ATP6V1H: variants seen among roughly 807,000 people sequenced by gnomAD.
The protein encoded by ATP6V1H is ATPase H+ transporting V1 subunit H.
ATP6V1H carries 39 observed loss-of-function variants against 71.7 expected under a neutral mutation model. The observed-to-expected ratio is 0.54, with a 90% CI of 0.42 to 0.71. ATP6V1H has a LOEUF of 0.71. Among genes scored for constraint, ATP6V1H ranks in the 30% least tolerant of loss-of-function variants. The pLI, the probability that ATP6V1H is intolerant of heterozygous loss-of-function variation, is 0.00. For missense variants in ATP6V1H, 509 were observed against 594.9 expected, an observed-to-expected ratio of 0.86 and a Z score of 1.50; for synonymous variants, 192 against 199.3, an observed-to-expected ratio of 0.96 and a Z score of 0.31.
chr8:53,832,105 T>C (rs919326914), intron 3 of ATP6V1H: 1 of 152,166 alleles, frequency 6.6e-6, no homozygotes, highest in African/African-American at 2.4e-5. Flanking sequence ...AGAAATATCT[T>C]TACAGGCATA....
chr8:53,720,200 A>G (rs1470435828), intron 13 of ATP6V1H, among the ~76,000 whole-genome samples: 1 of 152,186 alleles, frequency 6.6e-6, no homozygotes, highest in African/African-American at 2.4e-5. Flanking sequence ...AAAATTTGTG[A>G]GGTGCAATAT....
chr8:53,796,293 G>A (rs1035214812), intron 8 of ATP6V1H, among the ~76,000 whole-genome samples: 2 of 152,010 alleles, frequency 1.3e-5, no homozygotes, highest in African/African-American at 2.4e-5. Flanking sequence ...TACTGAATTC[G>A]GGGGTCAGGA....
Position 53,829,457 on chromosome 8 carries a change from T to C in ATP6V1H, c.293A>G (p.Asp98Gly). Residue 98 changes from aspartate (D) to glycine (G), a missense_variant, in exon 4 of 14, where the codon GAT becomes GGT. Physicochemically the swap from Asp to Gly is moderately conservative, Grantham distance 94 (BLOSUM62 -1). Coordinates refer to ENST00000359530, the MANE Select transcript of ATP6V1H (RefSeq NM_015941.4). ...GAATATACCTACCTGCAGCATATCA[T>C]CCACCATAGTTAGTATATACTGAAC... is the stretch of plus-strand genomic sequence containing the variant. ...QTVQYILTMV[D>G]DMLQENHQRV... The C allele has an allele frequency of 1.2e-6, 2 of 1,604,386 alleles. No individual in the cohort carries two copies. The highest frequency in any genetic ancestry group is 1.7e-6 in the Non-Finnish European group (2 of 1,175,096).
intron 12 of ATP6V1H, among the ~76,000 whole-genome samples, chr8:53,750,369 G>C (rs927299258): frequency 1.3e-5 from 2 of 152,174 alleles, no homozygotes; most frequent in Admixed American, 6.5e-5. Flanking sequence ...AAACCTGATA[G>C]TGATCAAAGA....
intron 7 of ATP6V1H, among the ~76,000 whole-genome samples, chr8:53,808,403 G>C (rs922321947): frequency 6.6e-6 from 1 of 152,174 alleles, no homozygotes; most frequent in Non-Finnish European, 1.5e-5. Context: ...ATAATCTGAT[G>C]TCTATTTTCA....
At chr8:53,736,731 A>C (rs1410815344) in intron 13 of ATP6V1H, among the ~76,000 whole-genome samples, 1 of 152,224 alleles carries the variant, frequency 6.6e-6, no homozygotes, top group Non-Finnish European at 1.5e-5. Flanking sequence ...TGAAAATGAG[A>C]ATGAGAACTC....
intron 13 of ATP6V1H, among the ~76,000 whole-genome samples, chr8:53,732,381 C>T (rs1400751862): frequency 1.3e-5 from 2 of 152,096 alleles, no homozygotes; most frequent in African/African-American, 2.4e-5. Flanking sequence ...TTAAAGTGCA[C>T]GTTACAGAAC....
In ATP6V1H at chr8:53,772,159, T is replaced by C. The variant is rs753347913; in HGVS notation, c.879A>G (p.Leu293=). The C allele has an allele frequency of 2.5e-6, 4 of 1,610,868 alleles. No homozygotes were observed. The highest frequency in any genetic ancestry group is 3.4e-5 in the Admixed American group (2 of 59,600). Reference sequence around the variant, plus strand: ...GAGTTTCTCTTTCAGTTGATTTTTCTAAAAAGTTCTGGGTTAGACAAAGTG... The same window carrying C: ...GAGTTTCTCTTTCAGTTGATTTTTCCAAAAAGTTCTGGGTTAGACAAAGTG... ...RIILAAFRNF[L]EKSTERETRQ... Residue 293 remains leucine (L), a synonymous_variant, in exon 10 of 14, where the codon TTA becomes TTG. Transcript: ENST00000359530.
intron 13 of ATP6V1H, among the ~76,000 whole-genome samples, chr8:53,735,606 A>T (rs1269081644): frequency 1.3e-5 from 2 of 152,120 alleles, no homozygotes; most frequent in African/African-American, 2.4e-5. Flanking sequence ...CCACCCCGCA[A>T]ATCATAAGTC....
intron 13 of ATP6V1H, among the ~76,000 whole-genome samples, chr8:53,727,043 G>A (rs1806835935): frequency 6.6e-6 from 1 of 152,220 alleles, no homozygotes; most frequent in African/African-American, 2.4e-5. Context: ...TAGTTGATCT[G>A]AGCTAGTCTG....
intron 7 of ATP6V1H, among the ~76,000 whole-genome samples, chr8:53,805,573 A>T (rs1229531567): frequency 6.6e-6 from 1 of 152,218 alleles, no homozygotes; most frequent in Non-Finnish European, 1.5e-5. Context: ...GTTGAAGGGC[A>T]CACAAACTGA....
intron 2 of ATP6V1H, among the ~76,000 whole-genome samples, chr8:53,834,199 G>C (rs1363277368): frequency 1.3e-5 from 2 of 152,054 alleles, no homozygotes; most frequent in Non-Finnish European, 2.9e-5. Flanking sequence ...CCAGTTCCAG[G>C]TGTGAAAGCT....
intron 12 of ATP6V1H, among the ~76,000 whole-genome samples, chr8:53,747,526 CTT>C (rs577089626): frequency 7.0e-6 from 1 of 142,084 alleles, no homozygotes. Context: ...AGAGAAAGCT[CTT>C]TTTTTTTTTT....
At chr8:53,719,261 C>T (rs987558426) in intron 13 of ATP6V1H, among the ~76,000 whole-genome samples, 2 of 152,118 alleles carry the variant, frequency 1.3e-5, no homozygotes, top group Non-Finnish European at 2.9e-5. Context: ...ATCTCCACCT[C>T]CCAGATTCAA....
intron 12 of ATP6V1H, among the ~76,000 whole-genome samples, chr8:53,753,899 G>A (rs905633618): frequency 1.3e-5 from 2 of 152,142 alleles, no homozygotes; most frequent in African/African-American, 4.8e-5. Flanking sequence ...ACAGTTTCAT[G>A]GATCCCGGTA....
intron 9 of ATP6V1H, among the ~76,000 whole-genome samples, chr8:53,793,922 CAGTG>C (rs1287010014): frequency 6.6e-6 from 1 of 152,022 alleles, no homozygotes; most frequent in Non-Finnish European, 1.5e-5. Context: ...TTGGGCAACA[CAGTG>C]AGACTGTCTT....
At chr8:53,803,180 T>C (rs1227336993) in intron 7 of ATP6V1H, among the ~76,000 whole-genome samples, 1 of 151,910 alleles carries the variant, frequency 6.6e-6, no homozygotes, top group Non-Finnish European at 1.5e-5. Context: ...CTACTAAAAA[T>C]ACAAAAATTA....
chr8:53,833,107 G>A, intron 2 of ATP6V1H, 21 bp from the exon 3 acceptor site: 2 of 1,580,346 alleles, frequency 1.3e-6, no homozygotes, highest in Non-Finnish European at 1.7e-6. Flanking sequence ...AGAATAAGAT[G>A]TTTTGTTCAG....
intron 8 of ATP6V1H, among the ~76,000 whole-genome samples, chr8:53,796,517 A>C (rs1466600744): frequency 6.6e-6 from 1 of 152,082 alleles, no homozygotes; most frequent in African/African-American, 2.4e-5. Flanking sequence ...ATCAAATAAA[A>C]AAAAAAACAG....
Sources: gnomAD v4.1 joint callset for allele counts (sites outside exome capture counted in the v4.1 genomes callset) on GRCh38, gnomAD v4.1.1 for gene constraint, MANE v1.5 for transcripts, NCBI Gene and HGNC (gene_info 2026-07-23, HGNC 2026-07-21) for gene names.